Variants in TENM4 observed in about 807,000 individuals in gnomAD.
TENM4 encodes teneurin transmembrane protein 4.
In TENM4, 82 loss-of-function variants were observed where a neutral mutation model predicts 243.3. The ratio of observed to expected loss-of-function variants is 0.34; its 90% confidence interval spans 0.28 to 0.40. The LOEUF (loss-of-function observed/expected upper bound fraction) is 0.40, where lower values mean the gene tolerates loss of function less well. Ranked by LOEUF, TENM4 falls within the 10% of genes least tolerant of loss-of-function variation. The pLI, the probability that TENM4 is intolerant of heterozygous loss-of-function variation, is 1.00. For synonymous variants in TENM4, 1,412 were observed against 1,456.3 expected (o/e 0.97, Z 0.69); for missense variants, 3,138 against 3,673.3 (o/e 0.85, Z 3.77).
chr11:78,935,441 T>C (rs562048434), intron 6 of TENM4, among the ~76,000 whole-genome samples: 6 of 152,130 alleles, frequency 3.9e-5, no homozygotes. Flanking sequence ...CAATAACTTA[T>C]GAGATAGGTT....
chr11:79,113,802 G>A (rs1327456813), intron 4 of TENM4, among the ~76,000 whole-genome samples: 1 of 152,168 alleles, frequency 6.6e-6, no homozygotes, highest in Non-Finnish European at 1.5e-5. Context: ...TTTACTGTCT[G>A]ACCCTTATAG....
chr11:79,436,785 A>G (rs1859280184), intron 1 of TENM4, among the ~76,000 whole-genome samples: 1 of 152,220 alleles, frequency 6.6e-6, no homozygotes, highest in Admixed American at 6.5e-5. Flanking sequence ...TGAAAACAAG[A>G]TGAGAGCAGA....
chr11:79,022,403 C>A (rs935004240), intron 6 of TENM4, among the ~76,000 whole-genome samples: 1 of 152,132 alleles, frequency 6.6e-6, no homozygotes, highest in African/African-American at 2.4e-5. Flanking sequence ...CCAGTCTCAG[C>A]TATGCAGTAA....
chr11:78,697,063 G>T (rs867485322), intron 28 of TENM4, among the ~76,000 whole-genome samples: 3 of 152,170 alleles, frequency 2.0e-5, no homozygotes, highest in African/African-American at 7.2e-5. Flanking sequence ...CCCCCAGGTC[G>T]ACCACAAAGG....
At chr11:78,709,619 C>T (rs1331654624) in intron 26 of TENM4, among the ~76,000 whole-genome samples, 2 of 152,194 alleles carry the variant, frequency 1.3e-5, no homozygotes, top group Non-Finnish European at 2.9e-5. Flanking sequence ...ACTGCACCCC[C>T]CAGGTAGCTG....
intron 2 of TENM4, among the ~76,000 whole-genome samples, chr11:79,285,697 G>T (rs886474277): frequency 1.3e-5 from 2 of 151,774 alleles, no homozygotes; most frequent in African/African-American, 4.8e-5. Context: ...CAAGAATAAA[G>T]TATTGATTCA....
intron 1 of TENM4, among the ~76,000 whole-genome samples, chr11:79,326,519 C>T (rs977495778): frequency 6.6e-6 from 1 of 152,226 alleles, no homozygotes; most frequent in Non-Finnish European, 1.5e-5. Context: ...TCATTTGTCT[C>T]TTGCAACACC....
chr11:78,969,053 T>C (rs531999153), intron 6 of TENM4, among the ~76,000 whole-genome samples: 2 of 152,330 alleles, frequency 1.3e-5, no homozygotes, highest in South Asian at 4.1e-4. Context: ...CTGAAAACAG[T>C]TGCTGAAGGA....
chr11:78,886,071 T>C (rs988811017), intron 9 of TENM4, among the ~76,000 whole-genome samples: 1 of 152,224 alleles, frequency 6.6e-6, no homozygotes, highest in African/African-American at 2.4e-5. Flanking sequence ...GGTGAGCTGA[T>C]GCAATTCTTA....
chr11:78,790,485 A>G (rs1251111121), intron 15 of TENM4, among the ~76,000 whole-genome samples: 1 of 152,230 alleles, frequency 6.6e-6, no homozygotes, highest in African/African-American at 2.4e-5. Flanking sequence ...CAAGTTTTAC[A>G]GTTTGCAAAG....
In TENM4 at chr11:78,790,132, G is replaced by GC. The variant is rs1006749823; in HGVS notation, c.2180-3050dup. 9.2e-5 allele frequency among the ~76,000 whole-genome samples: 14 copies of GC among 152,264 alleles called. No individual in the cohort carries two copies. In the East Asian group the frequency reaches 2.3e-3, roughly 25 times the overall value. On this transcript the variant is annotated intron_variant, in intron 15 of 33. Coordinates refer to ENST00000278550, the MANE Select transcript of TENM4 (RefSeq NM_001098816.3). ...CAGAGGTCAATAAGATATAATCTCT[G>GC]CCCCCCAGGAGATCTCAGTCCAGAT...
At chr11:79,344,202 G>A (rs978544224) in intron 1 of TENM4, among the ~76,000 whole-genome samples, 3 of 152,136 alleles carry the variant, frequency 2.0e-5, no homozygotes, top group South Asian at 2.1e-4. Context: ...CATACTGCCC[G>A]AGTCTCCCAA....
intron 2 of TENM4, among the ~76,000 whole-genome samples, chr11:79,246,733 A>G (rs1378965500): frequency 6.6e-6 from 1 of 152,140 alleles, no homozygotes; most frequent in African/African-American, 2.4e-5. Flanking sequence ...GTCTGGATAC[A>G]TATACTTAGA....
intron 6 of TENM4, among the ~76,000 whole-genome samples, chr11:78,970,395 C>T (rs976167997): frequency 6.6e-6 from 1 of 152,156 alleles, no homozygotes; most frequent in Non-Finnish European, 1.5e-5. Flanking sequence ...AGTGACTATT[C>T]GTTCGGGTTT....
chr11:78,714,410 T>A (rs1474855665), intron 25 of TENM4, among the ~76,000 whole-genome samples: 1 of 138,958 alleles, frequency 7.2e-6, no homozygotes, highest in Non-Finnish European at 1.5e-5. Context: ...CCAGATCCAA[T>A]GCTTTCCTTC....
chr11:79,270,746 C>T (rs186897116), intron 2 of TENM4, among the ~76,000 whole-genome samples: 3 of 152,328 alleles, frequency 2.0e-5, no homozygotes, highest in African/African-American at 2.4e-5. Context: ...TTCAGGAAGC[C>T]CACCATGACT....
At chr11:78,748,744 G>C (rs1195896209) in intron 19 of TENM4, among the ~76,000 whole-genome samples, 1 of 152,176 alleles carries the variant, frequency 6.6e-6, no homozygotes, top group Non-Finnish European at 1.5e-5. Flanking sequence ...GGGTCTGCCA[G>C]AGATTTAAAG....
At chr11:79,141,940 CT>C (rs1370778448) in intron 4 of TENM4, among the ~76,000 whole-genome samples, 1 of 152,006 alleles carries the variant, frequency 6.6e-6, no homozygotes, top group Non-Finnish European at 1.5e-5. Flanking sequence ...TGACAAAATT[CT>C]TTTATGATAA....
At chr11:79,020,556 C>T (rs1298234132) in intron 6 of TENM4, among the ~76,000 whole-genome samples, 1 of 152,144 alleles carries the variant, frequency 6.6e-6, no homozygotes, top group African/African-American at 2.4e-5. Flanking sequence ...CTAATTCCTC[C>T]TTCCCATCCC....
Sources: gnomAD v4.1 joint callset for allele counts (sites outside exome capture counted in the v4.1 genomes callset) on GRCh38, gnomAD v4.1.1 for gene constraint, MANE v1.5 for transcripts, NCBI Gene and HGNC (gene_info 2026-07-23, HGNC 2026-07-21) for gene names.